TAF3: variants seen among roughly 807,000 people sequenced by gnomAD.
TAF3 encodes the protein transcription initiation factor TFIID subunit 3.
A neutral mutation model predicts 80.6 loss-of-function variants in TAF3; 7 were observed. The observed-to-expected ratio is 0.09, with a 90% confidence interval of 0.05 to 0.16. The LOEUF (loss-of-function observed/expected upper bound fraction) is 0.16, where lower values mean the gene tolerates loss of function less well. Among genes scored for constraint, TAF3 ranks in the 10% least tolerant of loss-of-function variants. TAF3 has a pLI of 1.00. For missense variants in TAF3, 921 were observed against 1,140.2 expected (o/e 0.81, Z 2.77); for synonymous variants, 444 against 446.1 (o/e 1.00, Z 0.06).
chr10:7,960,966 CT>C (rs1838183827), intron 2 of TAF3, among the ~76,000 whole-genome samples: 1 of 152,152 alleles, frequency 6.6e-6, no homozygotes, highest in Admixed American at 6.5e-5. Context: ...CTTTTACAAA[CT>C]GCTTCTGAAG....
chr10:7,983,463 C>T (rs967523138), intron 4 of TAF3, among the ~76,000 whole-genome samples: 3 of 152,182 alleles, frequency 2.0e-5, no homozygotes, highest in Non-Finnish European at 2.9e-5. Context: ...TTAGATGTAA[C>T]GTTTGGGAAC....
chr10:7,991,200 TATAC>T (rs1554788330), intron 4 of TAF3, among the ~76,000 whole-genome samples: 1 of 152,116 alleles, frequency 6.6e-6, no homozygotes, highest in Admixed American at 6.5e-5. Flanking sequence ...CACACACACA[TATAC>T]ATACATACAC....
At chr10:7,904,546 GA>G (rs1837589548) in intron 2 of TAF3, among the ~76,000 whole-genome samples, 1 of 152,116 alleles carries the variant, frequency 6.6e-6, no homozygotes, top group African/African-American at 2.4e-5. Flanking sequence ...AATAATAAAT[GA>G]GTGTGTAAAT....
At chr10:7,833,990 GC>G in intron 2 of TAF3, 1 of 234,534 alleles carries the variant, frequency 4.3e-6, no homozygotes, top group Non-Finnish European at 8.7e-6. Flanking sequence ...CAGGACAACA[GC>G]CAGACTGTTC....
At chr10:7,882,520 G>A (rs1406473875) in intron 2 of TAF3, among the ~76,000 whole-genome samples, 1 of 152,196 alleles carries the variant, frequency 6.6e-6, no homozygotes, top group African/African-American at 2.4e-5. Context: ...ATGATGGAAA[G>A]CCCTTGAAAG....
chr10:7,892,210 A>G (rs116023832), intron 2 of TAF3, among the ~76,000 whole-genome samples: 1,724 of 152,216 alleles, frequency 0.011, 33 homozygotes, highest in African/African-American at 0.039. Flanking sequence ...TCTTTTGTCT[A>G]TTTCATAAGG....
intron 2 of TAF3, among the ~76,000 whole-genome samples, chr10:7,902,888 T>C (rs1259009260): frequency 5.9e-5 from 9 of 152,158 alleles, no homozygotes; most frequent in Admixed American, 4.6e-4. Context: ...GTACCCTTTT[T>C]TAGTGGTTAG....
chr10:7,968,783 GGT>G (rs1439085482), intron 3 of TAF3, among the ~76,000 whole-genome samples: 4 of 152,108 alleles, frequency 2.6e-5, no homozygotes, highest in Non-Finnish European at 5.9e-5. Context: ...TATAATTTAT[GGT>G]CCTCACTACC....
chr10:7,863,704 T>TATATATACAC (rs1554778401), intron 2 of TAF3, among the ~76,000 whole-genome samples: 3 of 53,002 alleles, frequency 5.7e-5, no homozygotes, highest in African/African-American at 1.9e-4. Context: ...TATATATATA[T>TATATATACAC]ACACATATAT....
intron 2 of TAF3, among the ~76,000 whole-genome samples, chr10:7,885,746 A>G (rs1837403660): frequency 6.6e-6 from 1 of 152,108 alleles, no homozygotes; most frequent in Non-Finnish European, 1.5e-5. Flanking sequence ...AAACACACAC[A>G]TGTTCTCTCC....
At chr10:7,933,512 T>G (rs1837888706) in intron 2 of TAF3, among the ~76,000 whole-genome samples, 1 of 152,212 alleles carries the variant, frequency 6.6e-6, no homozygotes, top group Non-Finnish European at 1.5e-5. Context: ...TGTGATAACA[T>G]CTTCAAGGGA....
At chr10:7,861,013 G>A (rs1837140237) in intron 2 of TAF3, among the ~76,000 whole-genome samples, 1 of 151,516 alleles carries the variant, frequency 6.6e-6, no homozygotes, top group South Asian at 2.1e-4. Context: ...CTGGGCTGGA[G>A]TGCAGTGGCG....
At chr10:7,987,726 T>G (rs1831792153) in intron 4 of TAF3, among the ~76,000 whole-genome samples, 2 of 152,240 alleles carry the variant, frequency 1.3e-5, no homozygotes, top group Non-Finnish European at 2.9e-5. Flanking sequence ...TGAGCAAGAC[T>G]CTGGGCAACT....
chr10:7,921,563 G>C (rs953649865), intron 2 of TAF3, among the ~76,000 whole-genome samples: 1 of 152,118 alleles, frequency 6.6e-6, no homozygotes, highest in Non-Finnish European at 1.5e-5. Flanking sequence ...CTCCTAGTAA[G>C]ACAAGGTATT....
chr10:7,871,460 T>TTTTTTTTTTTTTTTTTTTTTTTA (rs1837265584), intron 2 of TAF3, among the ~76,000 whole-genome samples: 1 of 83,384 alleles, frequency 1.2e-5, no homozygotes, highest in Non-Finnish European at 2.5e-5. Flanking sequence ...TTTTTTTTTT[T>TTTTTTTTTTTTTTTTTTTTTTTA]GAGACGGAGT....
chr10:7,930,214 G>T (rs1837855566), intron 2 of TAF3, among the ~76,000 whole-genome samples: 1 of 152,052 alleles, frequency 6.6e-6, no homozygotes, highest in East Asian at 1.9e-4. Context: ...CAAACAAAAA[G>T]ATACAGCCTA....
intron 2 of TAF3, among the ~76,000 whole-genome samples, chr10:7,948,770 C>G (rs1838051834): frequency 6.6e-6 from 1 of 152,200 alleles, no homozygotes; most frequent in African/African-American, 2.4e-5. Context: ...TCACTGGGTA[C>G]TGAACTAATG....
At chr10:7,937,885 G>A (rs1837936439) in intron 2 of TAF3, among the ~76,000 whole-genome samples, 1 of 152,144 alleles carries the variant, frequency 6.6e-6, no homozygotes, top group African/African-American at 2.4e-5. Flanking sequence ...GTTAAATAAG[G>A]TACGCAAGGT....
chr10:7,945,877 C>G (rs977757478), intron 2 of TAF3, among the ~76,000 whole-genome samples: 1 of 152,192 alleles, frequency 6.6e-6, no homozygotes, highest in Non-Finnish European at 1.5e-5. Context: ...TTGTTGTTGC[C>G]TATCTGCCCT....
Sources: allele counts gnomAD v4.1 joint callset (sites outside exome capture counted in the v4.1 genomes callset), GRCh38; gene constraint gnomAD v4.1.1; transcripts MANE v1.5; gene names NCBI Gene and HGNC (gene_info 2026-07-23, HGNC 2026-07-21).